GLYR1: variants seen among roughly 807,000 people sequenced by gnomAD.
GLYR1 encodes the protein cytokine-like nuclear factor N-PAC.
In GLYR1, 21 loss-of-function variants were observed where a neutral mutation model predicts 72.7. The observed-to-expected ratio is 0.29, with a 90% CI of 0.20 to 0.42. The LOEUF (loss-of-function observed/expected upper bound fraction) is 0.42. GLYR1 is among the 10% of genes least tolerant of loss of function. The probability of loss-of-function intolerance (pLI) is 1.00; values close to 1 mark genes in which losing one functional copy is unlikely to be tolerated. For missense variants in GLYR1, 594 were observed against 712.1 expected (o/e 0.83, Z 1.89); for synonymous variants, 392 against 270.2 (o/e 1.45, Z -4.42).
At chr16:4,828,495 C>A (rs906609019) in intron 5 of GLYR1, among the ~76,000 whole-genome samples, 2 of 152,040 alleles carry the variant, frequency 1.3e-5, no homozygotes, top group Non-Finnish European at 2.9e-5. Context: ...TGGAATCGAA[C>A]CTGCAGTATC....
At chr16:4,843,050 T>C (rs1485289636) in intron 3 of GLYR1, among the ~76,000 whole-genome samples, 1 of 152,182 alleles carries the variant, frequency 6.6e-6, no homozygotes, top group Non-Finnish European at 1.5e-5. Context: ...GTCACTTGAC[T>C]GAGCATCTGG....
intron 3 of GLYR1, among the ~76,000 whole-genome samples, chr16:4,837,590 G>A (rs566604923): frequency 2.6e-5 from 4 of 152,072 alleles, no homozygotes; most frequent in African/African-American, 4.8e-5. Flanking sequence ...GAGAAAGGAC[G>A]GGGAGAAGAT....
rs539077523 is a variant in GLYR1, at chr16:4,823,066, C to T, written c.625-135G>A. 1.8e-5 allele frequency: 14 copies of T among 775,574 alleles called. No individual in the cohort carries two copies. The South Asian group carries it at 2.0e-4, about 11-fold the overall frequency. The allele number at this position is 775,574 out of a possible 1,614,324, so 48.0% of individuals were successfully genotyped here. Reference sequence around the variant, plus strand: ...TCTTTTTCACAATTGTCTGGAAACTCTTTTCCCATTTTGGCCTAAGCCTTT... The same window carrying T: ...TCTTTTTCACAATTGTCTGGAAACTTTTTTCCCATTTTGGCCTAAGCCTTT... On this transcript the variant is annotated intron_variant, in intron 6 of 15. Coordinates refer to ENST00000321919, the MANE Select transcript of GLYR1 (RefSeq NM_032569.4).
intron 3 of GLYR1, among the ~76,000 whole-genome samples, chr16:4,837,011 TAA>T (rs557892430): frequency 2.0e-5 from 3 of 152,122 alleles, no homozygotes; most frequent in African/African-American, 7.2e-5. Context: ...ACTCTTCCTA[TAA>T]AAAGTCTCTT....
At chr16:4,819,010 C>T (rs2083832714) in intron 9 of GLYR1, among the ~76,000 whole-genome samples, 1 of 152,186 alleles carries the variant, frequency 6.6e-6, no homozygotes, top group Admixed American at 6.6e-5. Context: ...GCCACTGCTG[C>T]TATTTCAACA....
At chr16:4,807,035 T>C (rs1021052639) in intron 15 of GLYR1, among the ~76,000 whole-genome samples, 3 of 151,038 alleles carry the variant, frequency 2.0e-5, no homozygotes, top group Non-Finnish European at 4.4e-5. Flanking sequence ...CTTGATCTCC[T>C]GACCTCGTGA....
Position 4,845,065 on chromosome 16 carries a change from A to C in GLYR1, c.155+9T>G. The C allele has an allele frequency of 3.1e-6, 5 of 1,594,482 alleles. No individual in the cohort carries two copies. The highest frequency in any genetic ancestry group is 4.3e-6 in the Non-Finnish European group (5 of 1,162,204). ...AGGCGAAGGGAGACTCCTGGTGAGT[A>C]CTACTCACTGATCTTCTGTTCCAAA... On this transcript the variant is annotated intron_variant, in intron 3 of 15. Coordinates refer to ENST00000321919, the MANE Select transcript of GLYR1 (RefSeq NM_032569.4).
chr16:4,812,454 T>TG (rs1309113675), intron 12 of GLYR1, among the ~76,000 whole-genome samples: 1 of 151,638 alleles, frequency 6.6e-6, no homozygotes, highest in Non-Finnish European at 1.5e-5. Context: ...ACAGCAGTGA[T>TG]GAGACGCTGG....
Position 4,811,636 on chromosome 16 carries a change from G to T in GLYR1, c.1449C>A (p.Asp483Glu). The T allele has an allele frequency of 1.2e-6, 2 of 1,613,962 alleles. No individual in the cohort carries two copies. Among genetic ancestry groups the T allele is most frequent in the Middle Eastern group, 1.7e-4 (1 of 5,870 alleles). ...AAAACAACTCACTTTGGCACTTCTG[G>T]TCCAGGAAGATGCTGGCCAACTGTC... ...NQGQLASIFL[D>E]QKCQNILQGN... Residue 483 changes from aspartate to glutamate, a missense_variant, in exon 14 of 16, where the codon GAC (aspartate) becomes GAA (glutamate). Physicochemically the swap from Asp to Glu is conservative, Grantham distance 45. This residue lies in a region of GLYR1 where 266 missense variants were observed against 358.4 expected (regional missense o/e 0.74). Coordinates refer to ENST00000321919, the MANE Select transcript of GLYR1 (RefSeq NM_032569.4).
intron 3 of GLYR1, chr16:4,843,445 A>G: frequency 8.2e-7 from 1 of 1,217,036 alleles, no homozygotes; most frequent in Non-Finnish European, 1.0e-6. Flanking sequence ...CTGAGGCACC[A>G]TGCCCGGCCA....
intron 12 of GLYR1, 110 bp downstream of exon 12, chr16:4,813,627 T>C: frequency 1.1e-6 from 1 of 926,276 alleles, no homozygotes; most frequent in Non-Finnish European, 1.7e-6. Context: ...CCTCTCCTCT[T>C]CCCTCTCTGG....
intron 3 of GLYR1, among the ~76,000 whole-genome samples, chr16:4,836,034 A>C (rs1040660179): frequency 6.6e-6 from 1 of 152,142 alleles, no homozygotes; most frequent in Non-Finnish European, 1.5e-5. Flanking sequence ...CCTGAACTCA[A>C]GTAATCTGCC....
At chr16:4,810,813 G>T (rs892187029) in intron 15 of GLYR1, among the ~76,000 whole-genome samples, 1 of 143,510 alleles carries the variant, frequency 7.0e-6, no homozygotes, top group Non-Finnish European at 1.5e-5. Flanking sequence ...AAAAGAAAAA[G>T]AAACTGAATG....
chr16:4,842,578 C>A (rs2085644752), intron 3 of GLYR1, among the ~76,000 whole-genome samples: 1 of 152,028 alleles, frequency 6.6e-6, no homozygotes, highest in Non-Finnish European at 1.5e-5. Context: ...CCAGGCTGGT[C>A]TCCGGCTCCT....
At chr16:4,817,070 A>C (rs896939059) in intron 10 of GLYR1, among the ~76,000 whole-genome samples, 1 of 150,896 alleles carries the variant, frequency 6.6e-6, no homozygotes, top group Non-Finnish European at 1.5e-5. Flanking sequence ...CAGCCTCCTG[A>C]GTAACTGAGA....
Position 4,804,096 on chromosome 16 carries a change from T to C in GLYR1, c.*1140A>G, listed in dbSNP as rs1567617252. ...ATGCTGGCTGGAGTGAAGACACTCG[T>C]TTCCGTATCAAGAGCTGAGCCTAAG... On this transcript the variant is annotated 3_prime_UTR_variant, in exon 16 of 16. Coordinates refer to ENST00000321919, the MANE Select transcript of GLYR1 (RefSeq NM_032569.4). 6.6e-6 allele frequency: 1 copy of C among 152,246 alleles called. No individual in the cohort carries two copies. Among genetic ancestry groups the C allele is most frequent in the Non-Finnish European group, 1.5e-5 (1 of 68,110 alleles). 9.4% of individuals were successfully genotyped at this position (152,246 alleles called of 1,614,324 possible). A position where few individuals can be genotyped will look rare whatever the true frequency, so the allele number is the denominator to read the frequency against.
chr16:4,812,336 G>T, intron 12 of GLYR1, 88 bp from the exon 13 acceptor site: 5 of 1,412,176 alleles, frequency 3.5e-6, no homozygotes, highest in Middle Eastern at 1.8e-4. Flanking sequence ...AGTGGCCACG[G>T]CTGCTCATCA....
intron 14 of GLYR1, 107 bp from the exon 15 acceptor site, chr16:4,811,401 A>T: frequency 1.3e-6 from 2 of 1,492,674 alleles, no homozygotes; most frequent in Non-Finnish European, 1.8e-6. Flanking sequence ...GCTCAGTTCC[A>T]CATAGCCTAG....
At chr16:4,845,037 G>A (rs17137318) in intron 3 of GLYR1, 37 bp downstream of exon 3, 105,221 of 1,395,936 alleles carry the variant, frequency 0.075, 4,295 homozygotes, top group African/African-American at 0.095. Context: ...AACACAGAAA[G>A]AAAGGCGAAG....
Sources: gnomAD v4.1 joint callset for allele counts (sites outside exome capture counted in the v4.1 genomes callset) on GRCh38, gnomAD v4.1.1 for gene constraint, gnomAD v4.1.1 regional missense constraint, MANE v1.5 for transcripts, NCBI Gene and HGNC (gene_info 2026-07-23, HGNC 2026-07-21) for gene names.